ATRNL1: variants seen among roughly 807,000 people sequenced by gnomAD.
The protein encoded by ATRNL1 is attractin-like protein 1.
Under a neutral mutation model 182.7 loss-of-function variants are expected in ATRNL1, and 95 were observed. The observed-to-expected ratio is 0.52, with a 90% confidence interval of 0.44 to 0.62. The LOEUF (loss-of-function observed/expected upper bound fraction) is 0.62, where lower values mean the gene tolerates loss of function less well. ATRNL1 is among the 20% of genes least tolerant of loss of function. ATRNL1 has a pLI of 0.00. For synonymous variants in ATRNL1, 576 were observed against 568.3 expected, an observed-to-expected ratio of 1.01 and a Z score of -0.19; for missense variants, 1,471 against 1,679.5, an observed-to-expected ratio of 0.88 and a Z score of 2.17.
chr10:115,375,812 G>A (rs1554949362), intron 19 of ATRNL1, among the ~76,000 whole-genome samples: 1 of 151,862 alleles, frequency 6.6e-6, no homozygotes, highest in African/African-American at 2.4e-5. Flanking sequence ...TATGACTATA[G>A]ATACTTCATT....
intron 19 of ATRNL1, among the ~76,000 whole-genome samples, chr10:115,355,766 A>G (rs1203363254): frequency 6.6e-6 from 1 of 151,954 alleles, no homozygotes; most frequent in Admixed American, 6.6e-5. Context: ...TTTTTCCTTT[A>G]ATATTACATT....
intron 27 of ATRNL1, among the ~76,000 whole-genome samples, chr10:115,740,122 T>C (rs889424321): frequency 9.0e-6 from 1 of 111,074 alleles, no homozygotes; most frequent in African/African-American, 3.2e-5. Flanking sequence ...AGATAAACAT[T>C]TTCATGTGTT....
chr10:115,232,829 A>G (rs1211122138), intron 9 of ATRNL1, among the ~76,000 whole-genome samples: 2 of 152,090 alleles, frequency 1.3e-5, no homozygotes, highest in Non-Finnish European at 2.9e-5. Context: ...GGTGATTGAT[A>G]TTTTATATGC....
intron 15 of ATRNL1, among the ~76,000 whole-genome samples, chr10:115,298,939 A>C (rs1554923540): frequency 6.6e-6 from 1 of 152,036 alleles, no homozygotes; most frequent in Non-Finnish European, 1.5e-5. Flanking sequence ...CTCTGCACAC[A>C]TTTCTAGGTG....
At position 115,334,268 on chromosome 10, in the gene ATRNL1, A is replaced by ACTG; in HGVS notation, c.3038-13_3038-11dup. On this transcript the variant is annotated splice_polypyrimidine_tract_variant and intron_variant, in intron 18 of 28. Transcript: ENST00000355044. ...ATGTTAGATATTTGTAATGCTTTTT[A>ACTG]CTGTTTCCTTTAGCTTGCCAGTGTA... is the stretch of plus-strand genomic sequence containing the variant. The ACTG allele has an allele frequency of 6.8e-7, 1 of 1,461,574 alleles. No individual in the cohort carries two copies. Among genetic ancestry groups the ACTG allele is most frequent in the Non-Finnish European group, 9.2e-7 (1 of 1,081,444 alleles). 90.5% of individuals were successfully genotyped at this position (1,461,574 alleles called of 1,614,324 possible).
chr10:115,840,346 T>C (rs1016270057), intron 27 of ATRNL1, among the ~76,000 whole-genome samples: 3 of 152,180 alleles, frequency 2.0e-5, no homozygotes, highest in Non-Finnish European at 4.4e-5. Context: ...CTCAGATATC[T>C]TTCTTTTGAG....
intron 28 of ATRNL1, among the ~76,000 whole-genome samples, chr10:115,877,367 G>A (rs961497542): frequency 2.0e-5 from 3 of 152,172 alleles, no homozygotes; most frequent in Admixed American, 6.5e-5. Context: ...TCAGGCCCCA[G>A]GATACTGTTC....
intron 19 of ATRNL1, among the ~76,000 whole-genome samples, chr10:115,344,579 A>AGG (rs2134104274): frequency 6.6e-6 from 1 of 152,296 alleles, no homozygotes; most frequent in South Asian, 2.1e-4. Context: ...CCAAGAGTTA[A>AGG]GTCCTAAAAT....
chr10:115,295,778 G>C (rs959196294), intron 15 of ATRNL1, among the ~76,000 whole-genome samples: 8 of 152,092 alleles, frequency 5.3e-5, no homozygotes, highest in African/African-American at 1.9e-4. Flanking sequence ...TTTCCCTGCT[G>C]TGTAGGACCA....
rs779079628 is a variant in ATRNL1 at position 115,879,624 on chromosome 10, C to G, written c.4018+31633C>G. ...CTGAACTGAAGCTGAACTGGGGAAGCCCCTGACTGTGGTAAATAAACAGAA... is the reference window on the plus strand; with the variant it reads ...CTGAACTGAAGCTGAACTGGGGAAGGCCCTGACTGTGGTAAATAAACAGAA... On this transcript the variant is annotated intron_variant, in intron 28 of 28. Transcript: ENST00000355044. 2.6e-5 allele frequency among the ~76,000 whole-genome samples: 4 copies of G among 152,228 alleles called. No homozygotes were observed. The South Asian group carries it at 8.3e-4, about 32-fold the overall frequency.
chr10:115,309,825 A>G (rs1027761648), intron 17 of ATRNL1, among the ~76,000 whole-genome samples: 1 of 152,046 alleles, frequency 6.6e-6, no homozygotes, highest in Admixed American at 6.6e-5. Context: ...CTTGTTTCCT[A>G]TTTGGATGCC....
intron 25 of ATRNL1, among the ~76,000 whole-genome samples, chr10:115,522,795 A>T (rs1851010763): frequency 6.6e-6 from 1 of 152,230 alleles, no homozygotes; most frequent in African/African-American, 2.4e-5. Context: ...AATATTGAGT[A>T]AACATCTCAT....
chr10:115,636,778 C>T (rs2804250), intron 26 of ATRNL1, among the ~76,000 whole-genome samples: 42,341 of 151,998 alleles, frequency 0.28, 6,875 homozygotes, highest in East Asian at 0.58. Flanking sequence ...ATATTATTCA[C>T]AGTAAACAAA....
intron 26 of ATRNL1, among the ~76,000 whole-genome samples, chr10:115,633,554 G>A (rs1858661024): frequency 6.6e-6 from 1 of 152,104 alleles, no homozygotes; most frequent in South Asian, 2.1e-4. Context: ...TCAAAAATAA[G>A]TCCAATCAGT....
chr10:115,162,859 G>A (rs1846859206), intron 6 of ATRNL1, among the ~76,000 whole-genome samples: 1 of 151,750 alleles, frequency 6.6e-6, no homozygotes, highest in Non-Finnish European at 1.5e-5. Flanking sequence ...GAGGATTAAG[G>A]AGTAATTAAT....
At chr10:115,882,941 A>C (rs2901094) in intron 28 of ATRNL1, among the ~76,000 whole-genome samples, 31,819 of 152,144 alleles carry the variant, frequency 0.21, 3,470 homozygotes, top group Non-Finnish European at 0.23. Context: ...GGCTGTTTGA[A>C]CTTTCTGGCT....
chr10:115,775,178 C>A (rs908009132), intron 27 of ATRNL1, among the ~76,000 whole-genome samples: 10 of 152,120 alleles, frequency 6.6e-5, no homozygotes, highest in African/African-American at 2.2e-4. Flanking sequence ...ATGTTTACCC[C>A]CGAATGATCC....
chr10:115,353,229 T>A (rs1554941933), intron 19 of ATRNL1, among the ~76,000 whole-genome samples: 2 of 152,198 alleles, frequency 1.3e-5, no homozygotes, highest in Non-Finnish European at 2.9e-5. Context: ...ATGTTTGCTT[T>A]ATATTATCTG....
At chr10:115,381,841 G>T (rs1402690479) in intron 19 of ATRNL1, among the ~76,000 whole-genome samples, 2 of 151,764 alleles carry the variant, frequency 1.3e-5, no homozygotes, top group Non-Finnish European at 2.9e-5. Flanking sequence ...CTTATATTTA[G>T]GTGTCTTATG....
Sources: allele counts gnomAD v4.1 joint callset (sites outside exome capture counted in the v4.1 genomes callset), GRCh38; gene constraint gnomAD v4.1.1; transcripts MANE v1.5; gene names NCBI Gene and HGNC (gene_info 2026-07-23, HGNC 2026-07-21).